THADA: variants seen among roughly 807,000 people sequenced by gnomAD.
THADA encodes tRNA (32-2'-O)-methyltransferase regulator THADA.
THADA carries 213 observed loss-of-function variants against 219.8 expected under a neutral mutation model. That is an observed-to-expected ratio of 0.97 (90% CI 0.87 to 1.09). The LOEUF (loss-of-function observed/expected upper bound fraction) is 1.09, where lower values mean the gene tolerates loss of function less well. Ranked by LOEUF, THADA falls within the 50% of genes least tolerant of loss-of-function variation. THADA has a pLI of 0.00. For missense variants in THADA, 2,956 were observed against 2,311.3 expected, an observed-to-expected ratio of 1.28 and a Z score of -5.72; for synonymous variants, 1,018 against 828.9, an observed-to-expected ratio of 1.23 and a Z score of -3.92.
At chr2:43,389,519 T>G (rs1467283665) in intron 29 of THADA, among the ~76,000 whole-genome samples, 2 of 152,110 alleles carry the variant, frequency 1.3e-5, no homozygotes, top group Non-Finnish European at 2.9e-5. Flanking sequence ...AACGTATTCT[T>G]CCACATATAT....
chr2:43,501,805 G>A (rs1220895140), intron 24 of THADA, among the ~76,000 whole-genome samples: 1 of 152,150 alleles, frequency 6.6e-6, no homozygotes, highest in Non-Finnish European at 1.5e-5. Context: ...TTAGCTGGGA[G>A]TGGTGGCACA....
intron 26 of THADA, among the ~76,000 whole-genome samples, chr2:43,436,761 C>T (rs750993268): frequency 1.3e-5 from 2 of 152,214 alleles, no homozygotes; most frequent in African/African-American, 4.8e-5. Context: ...GAGGCACTAT[C>T]AACATATGCT....
At chr2:43,366,602 A>G (rs754512833) in intron 29 of THADA, among the ~76,000 whole-genome samples, 2 of 152,230 alleles carry the variant, frequency 1.3e-5, no homozygotes, top group African/African-American at 2.4e-5. Context: ...TACATACAAC[A>G]TTTCTTAATA....
intron 26 of THADA, among the ~76,000 whole-genome samples, chr2:43,483,798 A>G (rs1686542415): frequency 6.6e-6 from 1 of 151,548 alleles, no homozygotes; most frequent in African/African-American, 2.4e-5. Context: ...ACTTCATAAA[A>G]AACAAAAAAA....
chr2:43,515,004 T>A (rs1289059624), intron 22 of THADA, among the ~76,000 whole-genome samples: 1 of 29,086 alleles, frequency 3.4e-5, no homozygotes, highest in African/African-American at 1.2e-4. Flanking sequence ...TATATAATAT[T>A]ATATATATTA....
rs1244115508 is a variant in THADA, at chr2:43,433,836, C to T, written c.3837-3534G>A. ...CTGAGTAGCTGGCACTACAGGTGCG[C>T]ACCACCACATCTGGCTAATTTTTCA... On this transcript the variant is annotated intron_variant, in intron 26 of 37. Transcript: ENST00000405975. Among the ~76,000 whole-genome samples, 4 of 152,162 alleles carry T rather than the reference C, an allele frequency of 2.6e-5. 1 individual carries two copies. The highest frequency in any genetic ancestry group is 9.6e-5 in the African/African-American group (4 of 41,520).
intron 25 of THADA, chr2:43,486,519 C>A (rs72865238): frequency 6.6e-6 from 1 of 152,078 alleles, no homozygotes; most frequent in Admixed American, 6.5e-5. Context: ...GTATTACAGA[C>A]CTTATACTCT....
intron 31 of THADA, among the ~76,000 whole-genome samples, chr2:43,305,906 C>T (rs1676800350): frequency 1.3e-5 from 2 of 152,018 alleles, no homozygotes; most frequent in South Asian, 2.1e-4. Context: ...TTTCTTTCTC[C>T]TTTCCCCTTT....
chr2:43,292,722 A>G (rs1386666749), intron 32 of THADA, 112 bp downstream of exon 32: 6 of 1,340,632 alleles, frequency 4.5e-6, no homozygotes, highest in Admixed American at 4.5e-5. Flanking sequence ...TCTACTTCCT[A>G]TTGCCCCTGG....
At chr2:43,330,550 C>T (rs910544395) in intron 30 of THADA, among the ~76,000 whole-genome samples, 4 of 152,158 alleles carry the variant, frequency 2.6e-5, no homozygotes, top group South Asian at 4.1e-4. Context: ...AGCGCACTGC[C>T]GTAAAGCCTG....
intron 31 of THADA, among the ~76,000 whole-genome samples, chr2:43,319,792 C>T (rs952627603): frequency 6.6e-6 from 1 of 152,214 alleles, no homozygotes; most frequent in Non-Finnish European, 1.5e-5. Flanking sequence ...TGATGAAAAT[C>T]AGTTTCAGTC....
intron 26 of THADA, among the ~76,000 whole-genome samples, chr2:43,481,976 G>A (rs1195539277): frequency 6.6e-6 from 1 of 152,138 alleles, no homozygotes; most frequent in Non-Finnish European, 1.5e-5. Context: ...AGAGCTAAGC[G>A]CCATATTAGT....
chr2:43,267,089 C>G (rs1035656445), intron 36 of THADA, among the ~76,000 whole-genome samples: 1 of 152,192 alleles, frequency 6.6e-6, no homozygotes, highest in Admixed American at 6.6e-5. Flanking sequence ...GAAGTGTCTG[C>G]ATTTTGGGTG....
Position 43,419,491 on chromosome 2 carries a change from C to T in THADA, c.4058+8609G>A, listed in dbSNP as rs534629552. Among the ~76,000 whole-genome samples the T allele has an allele frequency of 7.2e-5, 11 of 152,274 alleles. No homozygotes were observed. In the South Asian group the frequency reaches 1.9e-3, roughly 26 times the overall value. On this transcript the variant is annotated intron_variant, in intron 28 of 37. Transcript: ENST00000405975. The stretch of plus-strand genomic sequence containing the variant: ...CCCATTCCAGTCAGAGAAAGCTAAC[C>T]GAAACACACTATGTCATTATTTTTC...
At chr2:43,310,229 C>CG (rs1677347592) in intron 31 of THADA, among the ~76,000 whole-genome samples, 1 of 120,034 alleles carries the variant, frequency 8.3e-6, no homozygotes, top group African/African-American at 3.1e-5. Context: ...CTTTCCCGCC[C>CG]CCCCCCCAAA....
intron 26 of THADA, among the ~76,000 whole-genome samples, chr2:43,465,616 C>G (rs1421294049): frequency 6.6e-6 from 1 of 152,204 alleles, no homozygotes; most frequent in African/African-American, 2.4e-5. Context: ...CTAAAATACT[C>G]AATGTCTGCT....
chr2:43,242,725 G>A (rs954533938), intron 36 of THADA, among the ~76,000 whole-genome samples: 1 of 152,196 alleles, frequency 6.6e-6, no homozygotes, highest in Non-Finnish European at 1.5e-5. Flanking sequence ...ATGAGCTCAA[G>A]TGATCCACCT....
At position 43,296,213 on chromosome 2, in the gene THADA, G is replaced by A. The variant is rs541880463; in HGVS notation, c.4439-3000C>T. Among the ~76,000 whole-genome samples the A allele has an allele frequency of 9.4e-5, 14 of 148,926 alleles. No homozygotes were observed. The East Asian group carries it at 2.9e-3, about 31-fold the overall frequency. On this transcript the variant is annotated intron_variant, in intron 31 of 37. Transcript: ENST00000405975. ...GATTACAGCGTGAGCCACCGTGCCC[G>A]GCCATACCGCTACTCTTAACTCAGA...
intron 21 of THADA, among the ~76,000 whole-genome samples, chr2:43,533,021 AG>A (rs1296995537): frequency 1.3e-5 from 2 of 152,234 alleles, no homozygotes; most frequent in Non-Finnish European, 2.9e-5. Context: ...AGAATCTGCA[AG>A]GAACATAAAA....
Sources: gnomAD v4.1 joint callset for allele counts (sites outside exome capture counted in the v4.1 genomes callset) on GRCh38, gnomAD v4.1.1 for gene constraint, MANE v1.5 for transcripts, NCBI Gene and HGNC (gene_info 2026-07-23, HGNC 2026-07-21) for gene names.